The following MARK1 variants were observed in gnomAD, a reference collection of about 807,000 sequenced individuals.
The protein encoded by MARK1 is serine/threonine-protein kinase MARK1.
A neutral mutation model predicts 96.3 loss-of-function variants in MARK1; 40 were observed. That is an observed-to-expected ratio of 0.42 (90% confidence interval 0.32 to 0.54). MARK1 has a LOEUF of 0.54. MARK1 is among the 20% of genes least tolerant of loss of function. MARK1 has a pLI of 0.16. For synonymous variants in MARK1, 317 were observed against 341.2 expected (o/e 0.93, Z 0.78); for missense variants, 719 against 984.6 (o/e 0.73, Z 3.61).
In MARK1 at chr1:220,652,132, C is replaced by T. The variant is rs367565722; in HGVS notation, c.1718C>T (p.Ser573Phe). ...ACACTGCCAACCATTAAAGACGGCTCTGAAGCTTACCGGCCTGGGTAATGT... is the reference window on the plus strand; with the variant it reads ...ACACTGCCAACCATTAAAGACGGCTTTGAAGCTTACCGGCCTGGGTAATGT... ...KVTLPTIKDG[S>F]EAYRPGTTQR... The change falls in exon 15 of 18, where the codon TCT (serine) becomes TTT (phenylalanine). Residue 573 changes from serine (S) to phenylalanine (F), a missense_variant. Physicochemically the swap from Ser to Phe is radical, Grantham distance 155. Around this residue, in one of 4 missense-constraint regions of MARK1, gnomAD observed 501 missense variants for 588.3 expected, o/e 0.85. Transcript: ENST00000366917. 5.6e-6 allele frequency: 9 copies of T among 1,608,194 alleles called. No homozygotes were observed. Among genetic ancestry groups the T allele is most frequent in the Non-Finnish European group, 7.7e-6 (9 of 1,175,324 alleles).
In MARK1 at chr1:220,662,176, A is replaced by G. The variant is rs982006030; in HGVS notation, c.*10A>G. The G allele has an allele frequency of 3.8e-6, 6 of 1,589,242 alleles. No homozygotes were observed. The highest frequency in any genetic ancestry group is 2.2e-5 in the East Asian group (1 of 44,676). ...TGAGCTTAAGCTGTAAAGAAGTCCA[A>G]ATTTACAGGTTCAGGGAAGATACAT... is the stretch of plus-strand genomic sequence containing the variant. On this transcript the variant is annotated 3_prime_UTR_variant, in exon 18 of 18. Transcript: ENST00000366917.
intron 11 of MARK1, among the ~76,000 whole-genome samples, chr1:220,635,163 G>T (rs1298252446): frequency 1.3e-5 from 2 of 152,022 alleles, no homozygotes; most frequent in Non-Finnish European, 2.9e-5. Flanking sequence ...GATAATACAA[G>T]ATTATGAGTA....
intron 17 of MARK1, among the ~76,000 whole-genome samples, chr1:220,661,400 C>T (rs965578973): frequency 3.3e-5 from 5 of 152,004 alleles, no homozygotes; most frequent in Admixed American, 6.5e-5. Context: ...CGACATTCCT[C>T]CTATCCAAAA....
chr1:220,626,286 A>G (rs1416623895), intron 9 of MARK1: 2 of 536,700 alleles, frequency 3.7e-6, no homozygotes, highest in Non-Finnish European at 7.4e-6. Flanking sequence ...ATGGGATGGA[A>G]GAGGCCTTCT....
rs971480571 is a variant in MARK1, at chr1:220,559,752, A to G, written c.52-19602A>G. Among the ~76,000 whole-genome samples, 3 of 152,212 alleles carry G rather than the reference A, an allele frequency of 2.0e-5. No individual in the cohort carries two copies. The East Asian group carries it at 5.8e-4, about 29-fold the overall frequency. On this transcript the variant is annotated intron_variant, in intron 1 of 17. Transcript: ENST00000366917. ...TGGGTAGGCTGCAGTTTTGATACAG[A>G]TTGATGACTGAGTGGATCTCTAATT...
chr1:220,582,345 C>A (rs1230361162), intron 3 of MARK1, among the ~76,000 whole-genome samples: 4 of 152,268 alleles, frequency 2.6e-5, no homozygotes. Context: ...AGTCTTTTTG[C>A]TAACCATGAT....
At chr1:220,587,329 T>TTCTCTCTC in intron 3 of MARK1, among the ~76,000 whole-genome samples, 1 of 135,980 alleles carries the variant, frequency 7.4e-6, no homozygotes, top group South Asian at 2.6e-4. Context: ...CTCTCTTTCT[T>TTCTCTCTC]TCTCTCTCTC....
chr1:220,631,983 A>G (rs1667703880), intron 10 of MARK1, among the ~76,000 whole-genome samples: 1 of 152,182 alleles, frequency 6.6e-6, no homozygotes, highest in Admixed American at 6.5e-5. Context: ...TAATATATTA[A>G]CCATGATGTA....
intron 15 of MARK1, among the ~76,000 whole-genome samples, chr1:220,652,624 A>G (rs888876407): frequency 1.3e-5 from 2 of 152,136 alleles, no homozygotes; most frequent in Non-Finnish European, 2.9e-5. Flanking sequence ...GTATTTTTCT[A>G]TTTTAAGATT....
chr1:220,659,808 T>G (rs1669371635), intron 17 of MARK1, among the ~76,000 whole-genome samples: 1 of 152,204 alleles, frequency 6.6e-6, no homozygotes, highest in East Asian at 1.9e-4. Flanking sequence ...TTTTTTCTTC[T>G]GAGACAAAGT....
At chr1:220,660,812 G>A (rs1669438080) in intron 17 of MARK1, among the ~76,000 whole-genome samples, 1 of 152,198 alleles carries the variant, frequency 6.6e-6, no homozygotes, top group South Asian at 2.1e-4. Flanking sequence ...ACCCAGCACA[G>A]TTCTAGATGC....
chr1:220,556,542 T>C (rs1662277946), intron 1 of MARK1, among the ~76,000 whole-genome samples: 1 of 147,276 alleles, frequency 6.8e-6, no homozygotes, highest in South Asian at 2.1e-4. Context: ...TAACCACTTG[T>C]GGAGAGAGTT....
chr1:220,618,502 A>G lies in MARK1; in HGVS notation c.745A>G (p.Thr249Ala). 6.2e-7 allele frequency: 1 copy of G among 1,614,186 alleles called. No individual in the cohort carries two copies. The change falls in exon 8 of 18, where the codon ACA becomes GCA. Residue 249 changes from threonine to alanine, a missense_variant. Thr to Ala is a moderately conservative substitution (Grantham distance 58). Coordinates refer to ENST00000366917, the MANE Select transcript of MARK1 (RefSeq NM_018650.5). The surrounding 1 kb of genome is among the most constrained non-coding windows in gnomAD (Gnocchi z 4.6). ...DVWSLGVILY[T>A]LVSGSLPFDG... is the part of the protein sequence containing the mutation. Reference sequence around the variant, plus strand: ...GTGGAGTCTGGGCGTCATTCTCTATACATTAGTCAGTGGCTCCTTGCCTTT... The same window carrying G: ...GTGGAGTCTGGGCGTCATTCTCTATGCATTAGTCAGTGGCTCCTTGCCTTT...
intron 1 of MARK1, among the ~76,000 whole-genome samples, chr1:220,532,774 G>A (rs1660402965): frequency 6.6e-6 from 1 of 152,062 alleles, no homozygotes; most frequent in African/African-American, 2.4e-5. Context: ...GTGGGGCCGG[G>A]GTGGGAGGAT....
Position 220,579,544 on chromosome 1 carries a change from T to C in MARK1, c.242T>C (p.Leu81Pro). The change falls in exon 2 of 18, where the codon CTA becomes CCA. Residue 81 changes from leucine to proline, a missense_variant. Transcript: ENST00000366917. ...FAKVKLARHV[L>P]TGREVAVKII... ...AAAGTCAAATTGGCAAGACACGTTCTAACTGGTAGAGAGGTAAGTTTGCAC... is the reference window on the plus strand; with the variant it reads ...AAAGTCAAATTGGCAAGACACGTTCCAACTGGTAGAGAGGTAAGTTTGCAC... The C allele has an allele frequency of 1.2e-6, 2 of 1,613,940 alleles. No individual in the cohort carries two copies. The highest frequency in any genetic ancestry group is 1.7e-6 in the Non-Finnish European group (2 of 1,179,862).
intron 17 of MARK1, among the ~76,000 whole-genome samples, chr1:220,658,586 A>G (rs184285707): frequency 6.6e-6 from 1 of 152,340 alleles, no homozygotes; most frequent in East Asian, 1.9e-4. Context: ...TTTTGAGTGT[A>G]CCCAAGCATT....
At chr1:220,617,558 T>C (rs1025458886) in intron 7 of MARK1, among the ~76,000 whole-genome samples, 1 of 152,226 alleles carries the variant, frequency 6.6e-6, no homozygotes, top group Non-Finnish European at 1.5e-5. Context: ...AAGTCCTTTA[T>C]TGAGTTGCTT....
At chr1:220,584,036 G>C (rs1664431651) in intron 3 of MARK1, among the ~76,000 whole-genome samples, 1 of 151,862 alleles carries the variant, frequency 6.6e-6, no homozygotes, top group Admixed American at 6.6e-5. Context: ...ATTTTTCATA[G>C]TTCATAAATT....
intron 17 of MARK1, among the ~76,000 whole-genome samples, chr1:220,659,475 A>G (rs1439317366): frequency 6.6e-6 from 1 of 152,140 alleles, no homozygotes; most frequent in Non-Finnish European, 1.5e-5. Flanking sequence ...GCGTGCCTCC[A>G]TTTCCTCACT....
Sources: allele counts gnomAD v4.1 joint callset (sites outside exome capture counted in the v4.1 genomes callset), GRCh38; gene constraint gnomAD v4.1.1; regional missense constraint gnomAD v4.1.1; non-coding constraint Gnocchi (gnomAD v3.1); transcripts MANE v1.5; gene names NCBI Gene and HGNC (gene_info 2026-07-23, HGNC 2026-07-21).